Variants in RHCG observed in about 807,000 individuals in gnomAD.
RHCG encodes the protein ammonium transporter Rh type C.
A neutral mutation model predicts 55.3 loss-of-function variants in RHCG; 39 were observed. The observed-to-expected ratio is 0.70, with a 90% CI of 0.55 to 0.92. The LOEUF (loss-of-function observed/expected upper bound fraction) is 0.92. Among genes scored for constraint, RHCG ranks in the 40% least tolerant of loss-of-function variants. RHCG has a pLI of 0.00. For synonymous variants in RHCG, 250 were observed against 246.8 expected, an observed-to-expected ratio of 1.01 and a Z score of -0.12; for missense variants, 635 against 627.9, an observed-to-expected ratio of 1.01 and a Z score of -0.12.
intron 2 of RHCG, among the ~76,000 whole-genome samples, chr15:89,485,005 G>A (rs1389694918): frequency 6.6e-6 from 1 of 152,116 alleles, no homozygotes; most frequent in Non-Finnish European, 1.5e-5. Flanking sequence ...GGATCCACAA[G>A]GTCAGGTCTG....
At position 89,484,175 on chromosome 15, in the gene RHCG, A is replaced by G. The variant is rs138702681; in HGVS notation, c.372-958T>C. ...GAGAGAGAGAATGGGGTGAGGAGTG[A>G]GAATGAAACTAATTGTAGGGCCAGT... On this transcript the variant is annotated intron_variant, in intron 2 of 10. Coordinates refer to ENST00000268122, the MANE Select transcript of RHCG (RefSeq NM_016321.3). Among the ~76,000 whole-genome samples the G allele has an allele frequency of 2.3e-3, 357 of 152,294 alleles. 1 individual carries two copies. Among genetic ancestry groups the G allele is most frequent in the African/African-American group, 8.1e-3 (338 of 41,558 alleles).
Position 89,477,320 on chromosome 15 carries a change from A to G in RHCG, c.1113-114T>C, listed in dbSNP as rs1961170218. On this transcript the variant is annotated intron_variant, in intron 7 of 10. Transcript: ENST00000268122. The surrounding 1 kb of genome is among the most constrained non-coding windows in gnomAD (Gnocchi z 4.5). The stretch of plus-strand genomic sequence containing the variant: ...GGGCCTCAGCCTTCCCACCCACAAC[A>G]TGGGGACACCGGACATATCAGTTGG... 3.4e-6 allele frequency: 5 copies of G among 1,465,432 alleles called. No individual in the cohort carries two copies. The highest frequency in any genetic ancestry group is 4.7e-6 in the Non-Finnish European group (5 of 1,066,652). The allele number at this position is 1,465,432 out of a possible 1,614,324, so 90.8% of individuals were successfully genotyped here. A position where few individuals can be genotyped will look rare whatever the true frequency, so the allele number is the denominator to read the frequency against.
At chr15:89,472,917 T>A (rs931289539) in intron 9 of RHCG, 54 bp from the exon 10 acceptor site, 17 of 1,391,344 alleles carry the variant, frequency 1.2e-5, no homozygotes, top group Admixed American at 6.4e-5. Context: ...GGCAAGGGTG[T>A]CCCTGGTGAC....
chr15:89,476,945 C>A, intron 8 of RHCG, 117 bp from the exon 9 acceptor site: 1 of 1,543,482 alleles, frequency 6.5e-7, no homozygotes, highest in South Asian at 1.1e-5. Context: ...CCAAATTGTC[C>A]CAGTCCTGTA....
intron 1 of RHCG, among the ~76,000 whole-genome samples, chr15:89,491,014 C>T (rs960803500): frequency 2.0e-5 from 3 of 152,178 alleles, no homozygotes; most frequent in Admixed American, 6.5e-5. Context: ...TGGGGGAAGA[C>T]AGCATCACCG....
At chr15:89,492,711 GC>G (rs2141903392) in intron 1 of RHCG, among the ~76,000 whole-genome samples, 1 of 152,318 alleles carries the variant, frequency 6.6e-6, no homozygotes, top group East Asian at 1.9e-4. Flanking sequence ...GACAGGGCAG[GC>G]AAAAAGCATT....
At chr15:89,479,986 G>A (rs1179740272) in intron 4 of RHCG, among the ~76,000 whole-genome samples, 2 of 152,248 alleles carry the variant, frequency 1.3e-5, no homozygotes, top group Non-Finnish European at 2.9e-5. Context: ...CTGCCTTGGG[G>A]CATTCTAGGG....
Position 89,477,423 on chromosome 15 carries a change from G to T in RHCG, c.1112+94C>A. The T allele has an allele frequency of 6.5e-7, 1 of 1,530,868 alleles. No individual in the cohort carries two copies. The highest frequency in any genetic ancestry group is 8.9e-7 in the Non-Finnish European group (1 of 1,129,370). The allele number at this position is 1,530,868 out of a possible 1,614,324, so 94.8% of individuals were successfully genotyped here. A position where few individuals can be genotyped will look rare whatever the true frequency, so the allele number is the denominator to read the frequency against. ...GGTCCAGAGTGGGGAAGGAAAGGGA[G>T]AAAGATGCAGTCGGGTCCCAGAGGA... is the stretch of plus-strand genomic sequence containing the variant. On this transcript the variant is annotated intron_variant, in intron 7 of 10. Coordinates refer to ENST00000268122, the MANE Select transcript of RHCG (RefSeq NM_016321.3). This position sits in a 1 kb window ranked among gnomAD's most constrained non-coding sequence, Gnocchi z 4.5.
chr15:89,488,436 G>T (rs1874057306), intron 1 of RHCG, among the ~76,000 whole-genome samples: 2 of 152,204 alleles, frequency 1.3e-5, no homozygotes, highest in African/African-American at 2.4e-5. Flanking sequence ...CTGCTTATTA[G>T]TTGCAGGGGA....
At chr15:89,488,241 T>C (rs562467886) in intron 1 of RHCG, among the ~76,000 whole-genome samples, 1 of 152,190 alleles carries the variant, frequency 6.6e-6, no homozygotes, top group African/African-American at 2.4e-5. Flanking sequence ...AACAAATAAA[T>C]GAGGTAGCAG....
intron 2 of RHCG, 25 bp downstream of exon 2, chr15:89,486,774 C>A: frequency 6.4e-7 from 1 of 1,566,876 alleles, no homozygotes; most frequent in Non-Finnish European, 8.7e-7. Flanking sequence ...GTCCGCCACG[C>A]CCCCGGGGCC....
chr15:89,494,636 C>CT (rs199886940), intron 1 of RHCG, among the ~76,000 whole-genome samples: 5,231 of 142,072 alleles, frequency 0.037, 260 homozygotes, highest in African/African-American at 0.11. Flanking sequence ...TCATTTCTTT[C>CT]TTTTTTTTTT....
chr15:89,491,271 T>C (rs1281211322), intron 1 of RHCG, among the ~76,000 whole-genome samples: 6 of 152,070 alleles, frequency 3.9e-5, no homozygotes, highest in South Asian at 2.1e-4. Flanking sequence ...GGGTGCCCTG[T>C]CTCTCCTTTT....
At chr15:89,490,826 A>G (rs751099701) in intron 1 of RHCG, among the ~76,000 whole-genome samples, 1 of 151,196 alleles carries the variant, frequency 6.6e-6, no homozygotes, top group African/African-American at 2.4e-5. Flanking sequence ...AGGGGGAGAA[A>G]TGGAGCCTGG....
At chr15:89,486,667 G>T in intron 2 of RHCG, 132 bp downstream of exon 2, 7 of 608,874 alleles carry the variant, frequency 1.1e-5, no homozygotes, top group Non-Finnish European at 1.7e-5. Flanking sequence ...GCCCAGTGTG[G>T]CCCAAAGGAG....
intron 2 of RHCG, 174 bp downstream of exon 2, chr15:89,486,625 T>A (rs1961374243): frequency 1.8e-6 from 1 of 563,842 alleles, no homozygotes; most frequent in African/African-American, 1.9e-5. Context: ...TGTGTGTGTG[T>A]GTGTGTGTGT....
rs1961247209 is a variant in RHCG at position 89,480,473 on chromosome 15, G to C, written c.523-65C>G. The stretch of plus-strand genomic sequence containing the variant: ...TCCCTCCCTCCTCATTGCCGTCCCT[G>C]TCTTGCCACACACACACACGCCCAG... On this transcript the variant is annotated intron_variant, in intron 3 of 10. Coordinates refer to ENST00000268122, the MANE Select transcript of RHCG (RefSeq NM_016321.3). The C allele has an allele frequency of 5.8e-6, 9 of 1,555,074 alleles. No individual in the cohort carries two copies. In the East Asian group the frequency reaches 1.8e-4, roughly 31 times the overall value.
rs1961245098 is a variant in RHCG, at chr15:89,480,399, C to T, written c.532G>A (p.Ala178Thr). 5 of 1,613,248 alleles carry T rather than the reference C, an allele frequency of 3.1e-6. No individual in the cohort carries two copies. Among genetic ancestry groups the T allele is most frequent in the Non-Finnish European group, 4.2e-6 (5 of 1,179,356 alleles). The change falls in exon 4 of 11, where the codon GCA becomes ACA. Residue 178 changes from alanine (A) to threonine (T), a missense_variant. By Grantham distance (58) the Ala-to-Thr change is moderately conservative (BLOSUM62 0). Transcript: ENST00000268122. ...ILLNLLKVKD[A>T]GGSMTIHTFG... ...GTGTGGATGGTCATGGAGCCTCCTG[C>T]ATCCTTCACCTGGGGTGCAAGGGGC...
chr15:89,480,510 T>TA, intron 3 of RHCG, 102 bp from the exon 4 acceptor site: 1 of 1,397,164 alleles, frequency 7.2e-7, no homozygotes, highest in Non-Finnish European at 9.8e-7. Context: ...GCTCCAGCCT[T>TA]CTCGGACTCT....
Sources: allele counts gnomAD v4.1 joint callset (sites outside exome capture counted in the v4.1 genomes callset), GRCh38; gene constraint gnomAD v4.1.1; non-coding constraint Gnocchi (gnomAD v3.1); transcripts MANE v1.5; gene names NCBI Gene and HGNC (gene_info 2026-07-23, HGNC 2026-07-21).